The following CDC73 variants were observed in gnomAD, a reference collection of about 807,000 sequenced individuals.
CDC73 encodes parafibromin.
Under a neutral mutation model 83.7 loss-of-function variants are expected in CDC73, and 21 were observed. That is an observed-to-expected ratio of 0.25 (90% CI 0.18 to 0.36). The LOEUF (loss-of-function observed/expected upper bound fraction) is 0.36, where lower values mean the gene tolerates loss of function less well. Among genes scored for constraint, CDC73 ranks in the 10% least tolerant of loss-of-function variants. The pLI, the probability that CDC73 is intolerant of heterozygous loss-of-function variation, is 1.00. For synonymous variants in CDC73, 224 were observed against 212.9 expected (o/e 1.05, Z -0.45); for missense variants, 342 against 653.3 (o/e 0.52, Z 5.19).
intron 13 of CDC73, among the ~76,000 whole-genome samples, chr1:193,228,531 A>G (rs1227277444): frequency 3.9e-5 from 6 of 152,220 alleles, no homozygotes; most frequent in Non-Finnish European, 8.8e-5. Flanking sequence ...ATGGGGCTAT[A>G]CTATTTTCGA....
chr1:193,250,833 TC>T lies in CDC73; in HGVS notation c.*122del. 1 of 913,428 alleles carries T rather than the reference TC, an allele frequency of 1.1e-6. No homozygotes were observed. Among genetic ancestry groups the T allele is most frequent in the East Asian group, 2.6e-5 (1 of 39,194 alleles). 56.6% of individuals were successfully genotyped at this position (913,428 alleles called of 1,614,324 possible). On this transcript the variant is annotated 3_prime_UTR_variant, in exon 17 of 17. Coordinates refer to ENST00000367435, the MANE Select transcript of CDC73 (RefSeq NM_024529.5). ...AAGACCTTATTTGATGCTTTGTGCT[TC>T]AAGGAGATGATACCTGTCATCCATA...
chr1:193,146,307 A>C (rs1361688818), intron 7 of CDC73, among the ~76,000 whole-genome samples: 2 of 152,158 alleles, frequency 1.3e-5, no homozygotes, highest in African/African-American at 4.8e-5. Flanking sequence ...ACCAAGAGAG[A>C]GTAGCATCTC....
intron 10 of CDC73, among the ~76,000 whole-genome samples, chr1:193,183,109 A>G (rs1440464526): frequency 1.3e-5 from 2 of 151,952 alleles, no homozygotes; most frequent in Non-Finnish European, 2.9e-5. Flanking sequence ...GGAAATCCTC[A>G]TGTAATTGAA....
At chr1:193,184,739 A>G (rs1207635889) in intron 10 of CDC73, among the ~76,000 whole-genome samples, 2 of 151,978 alleles carry the variant, frequency 1.3e-5, no homozygotes, top group South Asian at 2.1e-4. Context: ...TTTTACAACC[A>G]TATTTTTTAG....
At chr1:193,172,621 A>G (rs527991349) in intron 10 of CDC73, among the ~76,000 whole-genome samples, 1 of 152,216 alleles carries the variant, frequency 6.6e-6, no homozygotes, top group African/African-American at 2.4e-5. Flanking sequence ...TGTATGGCCC[A>G]CTTGCCTAAG....
chr1:193,203,659 A>G (rs1168044536), intron 10 of CDC73, 136 bp from the exon 11 acceptor site: 11 of 720,118 alleles, frequency 1.5e-5, no homozygotes, highest in Non-Finnish European at 2.5e-5. Context: ...AGGTCATAAC[A>G]TGTTCAGTGG....
At chr1:193,183,899 A>G (rs537786361) in intron 10 of CDC73, among the ~76,000 whole-genome samples, 3 of 147,818 alleles carry the variant, frequency 2.0e-5, no homozygotes, top group East Asian at 1.9e-4. Context: ...GGAGTAAACA[A>G]TAAGGTCAGA....
At chr1:193,232,950 A>T (rs745738474) in intron 13 of CDC73, 43 bp from the exon 14 acceptor site, 12 of 1,528,144 alleles carry the variant, frequency 7.9e-6, no homozygotes, top group Non-Finnish European at 1.1e-5. Flanking sequence ...CATTTTCATC[A>T]CGTGGAATAC....
intron 13 of CDC73, among the ~76,000 whole-genome samples, chr1:193,213,407 A>G (rs1558313213): frequency 6.6e-6 from 1 of 152,076 alleles, no homozygotes. Flanking sequence ...TAAAATGGGT[A>G]AATATTTTAT....
chr1:193,236,452 G>A, intron 15 of CDC73, 96 bp downstream of exon 15: 1 of 818,540 alleles, frequency 1.2e-6, no homozygotes, highest in Non-Finnish European at 2.1e-6. Flanking sequence ...TGATGTGTAT[G>A]TCAAAAGATT....
At chr1:193,166,398 C>T (rs937357074) in intron 10 of CDC73, among the ~76,000 whole-genome samples, 1 of 152,168 alleles carries the variant, frequency 6.6e-6, no homozygotes, top group African/African-American at 2.4e-5. Context: ...GCTTTGGCTT[C>T]TCAAAGTGCA....
intron 5 of CDC73, 138 bp downstream of exon 5, chr1:193,135,727 A>ATAT: frequency 1.5e-6 from 1 of 666,346 alleles, no homozygotes; most frequent in Non-Finnish European, 2.7e-6. Context: ...AGAACAATTG[A>ATAT]TTAATAAGTA....
chr1:193,198,638 A>G (rs78542955), intron 10 of CDC73, among the ~76,000 whole-genome samples: 1,618 of 152,342 alleles, frequency 0.011, 31 homozygotes, highest in African/African-American at 0.036. Flanking sequence ...TGATAAAGGT[A>G]TCCAGAAAAT....
At chr1:193,153,209 CT>C (rs1676151865) in intron 10 of CDC73, among the ~76,000 whole-genome samples, 1 of 151,958 alleles carries the variant, frequency 6.6e-6, no homozygotes. Flanking sequence ...AGCAAACTTT[CT>C]TTTTTTAACC....
At chr1:193,214,486 G>T (rs911324915) in intron 13 of CDC73, among the ~76,000 whole-genome samples, 1 of 152,166 alleles carries the variant, frequency 6.6e-6, no homozygotes, top group Non-Finnish European at 1.5e-5. Context: ...GGGAGGCCGA[G>T]GTGGGTGGAT....
At chr1:193,172,070 G>A (rs1676525972) in intron 10 of CDC73, among the ~76,000 whole-genome samples, 1 of 151,928 alleles carries the variant, frequency 6.6e-6, no homozygotes, top group Non-Finnish European at 1.5e-5. Flanking sequence ...GACTACAGGT[G>A]TGCGCCACCA....
chr1:193,241,013 T>G (rs1204430564), intron 15 of CDC73, among the ~76,000 whole-genome samples: 1 of 152,216 alleles, frequency 6.6e-6, no homozygotes, highest in Non-Finnish European at 1.5e-5. Flanking sequence ...CCTAAGTTTA[T>G]TTTTCATTGG....
intron 8 of CDC73, among the ~76,000 whole-genome samples, chr1:193,148,871 C>A (rs1676055611): frequency 6.6e-6 from 1 of 151,764 alleles, no homozygotes; most frequent in Non-Finnish European, 1.5e-5. Context: ...CGGTCTTGAA[C>A]TTCTGACCTC....
chr1:193,233,145 C>G lies in CDC73; in HGVS notation c.1307C>G (p.Pro436Arg), dbSNP rs1344996460. Residue 436 changes from proline to arginine, a missense_variant, in exon 14 of 17, where the codon CCT (proline) becomes CGT (arginine). This residue lies in a region of CDC73 where 239 missense variants were observed against 420.6 expected (regional missense o/e 0.57). Coordinates refer to ENST00000367435, the MANE Select transcript of CDC73 (RefSeq NM_024529.5). ...GTAGACCAGCCCCTTAAACTTATGC[C>G]TCAAGACTGGTAAGATAGTCTCTAT... is the stretch of plus-strand genomic sequence containing the variant. ...RVVDQPLKLMPQDWDRVVAVF... is the reference protein window; with the variant it reads ...RVVDQPLKLMRQDWDRVVAVF... The G allele has an allele frequency of 5.0e-6, 8 of 1,611,216 alleles. No individual in the cohort carries two copies. The highest frequency in any genetic ancestry group is 6.8e-6 in the Non-Finnish European group (8 of 1,177,696).
Sources: gnomAD v4.1 joint callset for allele counts (sites outside exome capture counted in the v4.1 genomes callset) on GRCh38, gnomAD v4.1.1 for gene constraint, gnomAD v4.1.1 regional missense constraint, MANE v1.5 for transcripts, NCBI Gene and HGNC (gene_info 2026-07-23, HGNC 2026-07-21) for gene names.